Variants in ATRX observed in about 807,000 individuals in gnomAD.
The protein encoded by ATRX is ATRX chromatin remodeler, also known as chromatin remodeler ATRX.
ATRX carries 12 observed loss-of-function variants against 172.6 expected under a neutral mutation model. The ratio of observed to expected loss-of-function variants is 0.07; its 90% CI spans 0.04 to 0.11. The LOEUF is 0.11. Ranked by LOEUF, ATRX falls within the 10% of genes least tolerant of loss-of-function variation. ATRX has a pLI of 1.00. For synonymous variants in ATRX, 674 were observed against 594.7 expected, an observed-to-expected ratio of 1.13 and a Z score of -1.94; for missense variants, 1,368 against 1,767.4, an observed-to-expected ratio of 0.77 and a Z score of 4.05.
intron 1 of ATRX, among the ~76,000 whole-genome samples, chrX:77,735,491 C>G (rs1176698019): frequency 1.8e-5 from 2 of 110,921 alleles, no homozygotes; most frequent in Non-Finnish European, 3.8e-5. Context: ...ACTCGGGAGG[C>G]TGAGGCTGGA....
At position 77,682,334 on chromosome X, in the gene ATRX, G is replaced by C. The variant is rs1476227727; in HGVS notation, c.2922C>G (p.Ser974Arg). 8.3e-7 allele frequency: 1 copy of C among 1,205,354 alleles called. No homozygotes were observed. Reference sequence around the variant, plus strand: ...TTTTATCATCTTCAGAAGTTTCATCGCTCTGGTCTTTCTTTAGGAATTTCT... The same window carrying C: ...TTTTATCATCTTCAGAAGTTTCATCCCTCTGGTCTTTCTTTAGGAATTTCT... Reference protein sequence around the residue: ...IAEKFLKKDQSDETSEDDKKQ... With the variant: ...IAEKFLKKDQRDETSEDDKKQ... Residue 974 changes from serine to arginine, a missense_variant, in exon 9 of 35, where the codon AGC (serine) becomes AGG (arginine). By Grantham distance (110) the Ser-to-Arg change is moderately radical. Transcript: ENST00000373344.
chrX:77,750,901 T>C (rs1700016042), intron 1 of ATRX, among the ~76,000 whole-genome samples: 1 of 112,284 alleles, frequency 8.9e-6, no homozygotes, highest in South Asian at 3.7e-4. Flanking sequence ...GGTGTATATG[T>C]GCCCCATTTT....
intron 1 of ATRX, among the ~76,000 whole-genome samples, chrX:77,781,377 G>GTTTGCAA (rs1226986239): frequency 6.1e-5 from 6 of 99,123 alleles, no homozygotes; most frequent in African/African-American, 2.2e-4. Flanking sequence ...GGAGGGCGGA[G>GTTTGCAA]TTTGCAGTGA....
At chrX:77,650,820 T>C (rs2148428097) in intron 15 of ATRX, among the ~76,000 whole-genome samples, 1 of 111,281 alleles carries the variant, frequency 9.0e-6, no homozygotes, top group South Asian at 3.7e-4. Flanking sequence ...ACACCTGACC[T>C]CAGGTGATCC....
At chrX:77,583,287 G>GC (rs1298775852) in intron 27 of ATRX, among the ~76,000 whole-genome samples, 1 of 111,425 alleles carries the variant, frequency 9.0e-6, no homozygotes, top group Non-Finnish European at 1.9e-5. Flanking sequence ...TCTCTGGAAG[G>GC]CCGAGGCAGG....
At chrX:77,570,068 T>C (rs1218030953) in intron 28 of ATRX, among the ~76,000 whole-genome samples, 1 of 111,469 alleles carries the variant, frequency 9.0e-6, no homozygotes, top group Non-Finnish European at 1.9e-5. Context: ...GAAAGACATA[T>C]GGAATAAAGG....
intron 1 of ATRX, among the ~76,000 whole-genome samples, chrX:77,720,425 C>T (rs1294935705): frequency 9.0e-6 from 1 of 110,861 alleles, no homozygotes; most frequent in African/African-American, 3.3e-5. Flanking sequence ...AAACAGACCA[C>T]TATCCGGACT....
chrX:77,658,379 C>A (rs1356948166), intron 12 of ATRX, among the ~76,000 whole-genome samples: 8 of 111,634 alleles, frequency 7.2e-5, no homozygotes, highest in African/African-American at 2.6e-4. Flanking sequence ...ATCAACACTC[C>A]ACAAGTGTCA....
intron 2 of ATRX, among the ~76,000 whole-genome samples, chrX:77,707,126 T>C (rs186962503): frequency 8.9e-6 from 1 of 112,212 alleles, no homozygotes; most frequent in African/African-American, 3.2e-5. Flanking sequence ...AGGACAAATA[T>C]TGTAGGATTA....
At position 77,681,580 on chromosome X, in the gene ATRX, T is replaced by G. The variant is rs1557136863; in HGVS notation, c.3676A>C (p.Ile1226Leu). 8.3e-6 allele frequency: 10 copies of G among 1,209,985 alleles called. No homozygotes were observed. The highest frequency in any genetic ancestry group is 1.1e-5 in the Non-Finnish European group (10 of 894,919). The change falls in exon 9 of 35, where the codon ATT (isoleucine) becomes CTT (leucine). Residue 1226 changes from isoleucine to leucine, a missense_variant. Physicochemically the swap from Ile to Leu is conservative, Grantham distance 5 (BLOSUM62 2). Transcript: ENST00000373344. ...IGEGSSDEQK[I>L]KPVTENLVLS... is the part of the protein sequence containing the mutation. ...ACTAAATTTTCAGTCACAGGCTTAA[T>G]TTTCTGTTCATCGCTGCTTCCCTCA...
intron 9 of ATRX, among the ~76,000 whole-genome samples, chrX:77,678,643 C>T (rs782637394): frequency 1.8e-5 from 2 of 111,316 alleles, no homozygotes; most frequent in Non-Finnish European, 3.8e-5. Context: ...TGCGCCACTA[C>T]ACCTGGCTAA....
intron 1 of ATRX, among the ~76,000 whole-genome samples, chrX:77,745,435 A>C (rs2075031603): frequency 9.0e-6 from 1 of 111,569 alleles, no homozygotes; most frequent in African/African-American, 3.3e-5. Flanking sequence ...CTGTCATTGC[A>C]ACAACATGGA....
At chrX:77,711,843 C>A (rs993685986) in intron 2 of ATRX, among the ~76,000 whole-genome samples, 19 of 111,834 alleles carry the variant, frequency 1.7e-4, no homozygotes, top group African/African-American at 5.8e-4. Context: ...TCAAAAAAAA[C>A]CAACCAACCA....
rs1461130354 is a variant in ATRX, at chrX:77,698,641, G to T, written c.134-12C>A. ...ACCACTGATTTTATCTAAAAAAGAAGAAATAAAGAACATTATTTATCTCTT... is the reference window on the plus strand; with the variant it reads ...ACCACTGATTTTATCTAAAAAAGAATAAATAAAGAACATTATTTATCTCTT... On this transcript the variant is annotated splice_polypyrimidine_tract_variant and intron_variant, in intron 2 of 34. Coordinates refer to ENST00000373344, the MANE Select transcript of ATRX (RefSeq NM_000489.6). 1.7e-6 allele frequency: 2 copies of T among 1,174,390 alleles called. No homozygotes were observed. The highest frequency in any genetic ancestry group is 2.3e-6 in the Non-Finnish European group (2 of 863,573).
At chrX:77,561,019 T>C (rs2065000909) in intron 28 of ATRX, among the ~76,000 whole-genome samples, 1 of 110,746 alleles carries the variant, frequency 9.0e-6, no homozygotes, top group South Asian at 3.9e-4. Context: ...CTAAATACAA[T>C]TGCAAATGCA....
At chrX:77,647,049 G>C (rs1182442394) in intron 15 of ATRX, among the ~76,000 whole-genome samples, 1 of 111,052 alleles carries the variant, frequency 9.0e-6, no homozygotes, top group Non-Finnish European at 1.9e-5. Context: ...GCACAAAAAA[G>C]CCTTAATAAA....
At chrX:77,686,602 G>A (rs2071572753) in intron 7 of ATRX, among the ~76,000 whole-genome samples, 1 of 110,835 alleles carries the variant, frequency 9.0e-6, no homozygotes, top group East Asian at 2.8e-4. Context: ...TGTAATCCCA[G>A]CTATTCTAAA....
chrX:77,738,558 C>CTTT (rs781834798), intron 1 of ATRX, among the ~76,000 whole-genome samples: 82 of 73,501 alleles, frequency 1.1e-3, no homozygotes, highest in African/African-American at 2.0e-3. Context: ...TCTTTTGTGT[C>CTTT]TTTTTTTTTT....
intron 1 of ATRX, among the ~76,000 whole-genome samples, chrX:77,767,503 C>G (rs1318408638): frequency 9.2e-6 from 1 of 109,144 alleles, no homozygotes; most frequent in Non-Finnish European, 1.9e-5. Flanking sequence ...TCAAGCAATT[C>G]TCTCACCTCA....
Sources: gnomAD v4.1 joint callset for allele counts (sites outside exome capture counted in the v4.1 genomes callset) on GRCh38, gnomAD v4.1.1 for gene constraint, MANE v1.5 for transcripts, NCBI Gene and HGNC (gene_info 2026-07-23, HGNC 2026-07-21) for gene names.